Variants in DLG2 observed in about 807,000 individuals in gnomAD.
DLG2 encodes the protein discs large MAGUK scaffold protein 2.
Under a neutral mutation model 132.5 loss-of-function variants are expected in DLG2, and 45 were observed. That is an observed-to-expected ratio of 0.34 (90% confidence interval 0.27 to 0.44). DLG2 has a LOEUF of 0.44. DLG2 is among the 20% of genes least tolerant of loss of function. The pLI is 1.00. For synonymous variants in DLG2, 424 were observed against 419.6 expected (o/e 1.01, Z -0.13); for missense variants, 1,045 against 1,196.9 (o/e 0.87, Z 1.87).
At chr11:84,054,849 G>A (rs944312844) in intron 11 of DLG2, among the ~76,000 whole-genome samples, 1 of 151,898 alleles carries the variant, frequency 6.6e-6, no homozygotes, top group Non-Finnish European at 1.5e-5. Flanking sequence ...TCTATTCTGT[G>A]CAAAAACAAA....
intron 18 of DLG2, among the ~76,000 whole-genome samples, chr11:83,715,691 C>T (rs934430259): frequency 2.4e-4 from 36 of 152,174 alleles, no homozygotes; most frequent in African/African-American, 8.7e-4. Flanking sequence ...ACGATTGTTC[C>T]GTGATCCTTC....
intron 6 of DLG2, among the ~76,000 whole-genome samples, chr11:84,894,395 T>G (rs928859933): frequency 6.6e-6 from 1 of 152,114 alleles, no homozygotes; most frequent in African/African-American, 2.4e-5. Flanking sequence ...CTTCATGAAT[T>G]GCCATTTCAT....
intron 10 of DLG2, among the ~76,000 whole-genome samples, chr11:84,082,044 G>T (rs2096912059): frequency 6.6e-6 from 1 of 151,990 alleles, no homozygotes; most frequent in Non-Finnish European, 1.5e-5. Flanking sequence ...ATCTCACTGT[G>T]GTTTTGATTT....
At chr11:84,001,402 A>G (rs1221462997) in intron 11 of DLG2, among the ~76,000 whole-genome samples, 3 of 151,914 alleles carry the variant, frequency 2.0e-5, no homozygotes, top group Non-Finnish European at 4.4e-5. Context: ...AAGAGAATGT[A>G]ACAATGCTAA....
chr11:83,982,328 G>A (rs1418035737), intron 11 of DLG2, among the ~76,000 whole-genome samples: 2 of 151,940 alleles, frequency 1.3e-5, no homozygotes, highest in Admixed American at 1.3e-4. Flanking sequence ...ACAGATCCAT[G>A]CTGTAACATT....
intron 6 of DLG2, among the ~76,000 whole-genome samples, chr11:84,588,107 G>A (rs953229619): frequency 1.8e-4 from 27 of 152,130 alleles, no homozygotes; most frequent in East Asian, 1.9e-4. Flanking sequence ...CACTGTTCTA[G>A]GCTCACCAAA....
intron 14 of DLG2, among the ~76,000 whole-genome samples, chr11:83,945,742 T>C (rs903439561): frequency 9.2e-5 from 14 of 151,698 alleles, no homozygotes; most frequent in Non-Finnish European, 1.0e-4. Context: ...TTATCACTAG[T>C]AGTCTCAGTG....
intron 18 of DLG2, among the ~76,000 whole-genome samples, chr11:83,668,865 A>ATT (rs200688548): frequency 2.6e-5 from 3 of 115,672 alleles, no homozygotes; most frequent in South Asian, 2.6e-4. Context: ...ATATATATAT[A>ATT]TATTTTTTTT....
intron 6 of DLG2, chr11:84,800,488 T>G (rs981735901): frequency 1.3e-5 from 2 of 152,184 alleles, no homozygotes; most frequent in African/African-American, 4.8e-5. Flanking sequence ...TGACATTTTT[T>G]AAAATGACAA....
intron 14 of DLG2, among the ~76,000 whole-genome samples, chr11:83,951,683 T>C (rs571402200): frequency 1.3e-5 from 2 of 151,022 alleles, no homozygotes; most frequent in South Asian, 4.2e-4. Flanking sequence ...GTGAAGGGAG[T>C]GGTGGGGGAT....
chr11:83,789,072 A>C (rs777853831), intron 17 of DLG2, among the ~76,000 whole-genome samples: 23 of 152,356 alleles, frequency 1.5e-4, no homozygotes, highest in Non-Finnish European at 2.8e-4. Flanking sequence ...AGAAAAGCTC[A>C]ACTTCTCACA....
intron 3 of DLG2, among the ~76,000 whole-genome samples, chr11:85,560,058 T>C (rs568452862): frequency 1.6e-4 from 24 of 151,976 alleles, no homozygotes; most frequent in African/African-American, 5.8e-4. Context: ...TTCCCTAGAA[T>C]AGCTAGAATT....
intron 17 of DLG2, among the ~76,000 whole-genome samples, chr11:83,831,642 A>G (rs1332918924): frequency 1.3e-5 from 2 of 152,336 alleles, no homozygotes; most frequent in Non-Finnish European, 2.9e-5. Context: ...TTTATAAATC[A>G]CAGCCATAAA....
intron 4 of DLG2, among the ~76,000 whole-genome samples, chr11:85,249,884 G>A (rs1265693844): frequency 6.6e-6 from 1 of 152,050 alleles, no homozygotes; most frequent in Admixed American, 6.6e-5. Flanking sequence ...TTTTATTTCG[G>A]GAAGAATGCT....
At chr11:85,485,472 A>C (rs1238814651) in intron 3 of DLG2, among the ~76,000 whole-genome samples, 1 of 152,230 alleles carries the variant, frequency 6.6e-6, no homozygotes, top group Non-Finnish European at 1.5e-5. Context: ...CACCTCCTCC[A>C]TGAAAAGGAA....
At chr11:85,607,993 T>G (rs551412200) in intron 2 of DLG2, among the ~76,000 whole-genome samples, 98 of 152,206 alleles carry the variant, frequency 6.4e-4, no homozygotes, top group Non-Finnish European at 1.2e-3. Context: ...CGGTCCTCTT[T>G]GTGGTCTAGG....
chr11:85,416,517 G>C (rs1051204674), intron 3 of DLG2, among the ~76,000 whole-genome samples: 1 of 151,982 alleles, frequency 6.6e-6, no homozygotes, highest in South Asian at 2.1e-4. Context: ...CATTGAATCT[G>C]TAAGTAACTT....
intron 6 of DLG2, among the ~76,000 whole-genome samples, chr11:85,068,934 G>A (rs907046492): frequency 1.3e-5 from 2 of 152,112 alleles, no homozygotes; most frequent in African/African-American, 4.8e-5. Context: ...AAACAGCATG[G>A]TACTGGTACC....
chr11:85,139,975 T>C (rs1047222265), intron 5 of DLG2, among the ~76,000 whole-genome samples: 1 of 152,032 alleles, frequency 6.6e-6, no homozygotes, highest in Admixed American at 6.6e-5. Flanking sequence ...GGCTCCTCCA[T>C]GTCATGGCAA....
Sources: gnomAD v4.1 joint callset for allele counts (sites outside exome capture counted in the v4.1 genomes callset) on GRCh38, gnomAD v4.1.1 for gene constraint, MANE v1.5 for transcripts, NCBI Gene and HGNC (gene_info 2026-07-23, HGNC 2026-07-21) for gene names.